The following EPS15 variants were observed in gnomAD, a reference collection of about 807,000 sequenced individuals.
EPS15 encodes the protein epidermal growth factor receptor substrate 15.
Under a neutral mutation model 113.8 loss-of-function variants are expected in EPS15, and 72 were observed. That is an observed-to-expected ratio of 0.63 (90% CI 0.52 to 0.77). EPS15 has a LOEUF of 0.77. Ranked by LOEUF, EPS15 falls within the 30% of genes least tolerant of loss-of-function variation. The probability of loss-of-function intolerance (pLI) is 0.00; values close to 1 mark genes in which losing one functional copy is unlikely to be tolerated. For synonymous variants in EPS15, 344 were observed against 363.4 expected, an observed-to-expected ratio of 0.95 and a Z score of 0.61; for missense variants, 1,048 against 1,045.8, an observed-to-expected ratio of 1.00 and a Z score of -0.03.
At chr1:51,510,902 C>T (rs1041851002) in intron 1 of EPS15, among the ~76,000 whole-genome samples, 12 of 152,270 alleles carry the variant, frequency 7.9e-5, no homozygotes, top group African/African-American at 2.2e-4. Context: ...CGATGGCTCA[C>T]GCCTGTAATC....
Position 51,376,330 on chromosome 1 carries a change from T to C in EPS15, c.2120-10301A>G, listed in dbSNP as rs576077464. 1.1e-4 allele frequency among the ~76,000 whole-genome samples: 16 copies of C among 152,322 alleles called. No individual in the cohort carries two copies. In the South Asian group the frequency reaches 2.1e-3, roughly 20 times the overall value. On this transcript the variant is annotated intron_variant, in intron 21 of 24. Transcript: ENST00000371733. ...TGTTTTACTGAATATTTTAAGCCCA[T>C]TGTTGGGATCCACTGCTCAGATAAG...
chr1:51,356,909 G>A (rs1646230443), intron 24 of EPS15, 63 bp from the exon 25 acceptor site: 5 of 1,457,904 alleles, frequency 3.4e-6, no homozygotes, highest in Admixed American at 2.1e-5. Context: ...TAAAAAGAAG[G>A]AAAAATAGTT....
At chr1:51,455,738 T>C (rs1175898503) in intron 8 of EPS15, among the ~76,000 whole-genome samples, 1 of 152,152 alleles carries the variant, frequency 6.6e-6, no homozygotes, top group East Asian at 1.9e-4. Flanking sequence ...AATTCATCCA[T>C]GAGTAAACAG....
chr1:51,419,972 GAATA>G (rs949801159), intron 13 of EPS15, among the ~76,000 whole-genome samples: 5 of 151,998 alleles, frequency 3.3e-5, no homozygotes, highest in African/African-American at 4.8e-5. Flanking sequence ...AGTGTATAAT[GAATA>G]AATAATGAAT....
intron 11 of EPS15, among the ~76,000 whole-genome samples, chr1:51,441,763 G>C (rs1652614808): frequency 6.6e-6 from 1 of 152,100 alleles, no homozygotes; most frequent in Non-Finnish European, 1.5e-5. Flanking sequence ...TGAAGAAACA[G>C]ATTAAATAAC....
chr1:51,412,917 G>A (rs1649867463), intron 13 of EPS15, among the ~76,000 whole-genome samples: 1 of 152,008 alleles, frequency 6.6e-6, no homozygotes, highest in East Asian at 1.9e-4. Context: ...TGTCCAACTT[G>A]CTTAAAAAAT....
At chr1:51,376,764 T>A (rs891446980) in intron 21 of EPS15, among the ~76,000 whole-genome samples, 1 of 152,244 alleles carries the variant, frequency 6.6e-6, no homozygotes, top group Non-Finnish European at 1.5e-5. Context: ...GAATGTTGTT[T>A]TCATGCCTGC....
chr1:51,511,047 TC>T (rs1373282013), intron 1 of EPS15, among the ~76,000 whole-genome samples: 2 of 151,378 alleles, frequency 1.3e-5, no homozygotes, highest in Non-Finnish European at 2.9e-5. Flanking sequence ...GCGCCTATAA[TC>T]CCAGCTACTT....
At chr1:51,484,207 G>A (rs1030174767) in intron 1 of EPS15, among the ~76,000 whole-genome samples, 1 of 151,990 alleles carries the variant, frequency 6.6e-6, no homozygotes, top group Non-Finnish European at 1.5e-5. Flanking sequence ...TTGATTTACC[G>A]TCATTGTCCC....
At chr1:51,419,783 G>T (rs1422762678) in intron 13 of EPS15, among the ~76,000 whole-genome samples, 2 of 151,978 alleles carry the variant, frequency 1.3e-5, no homozygotes, top group Non-Finnish European at 2.9e-5. Context: ...GTACCAATGG[G>T]TAAATCAGAG....
chr1:51,461,129 C>T lies in EPS15; in HGVS notation c.523G>A (p.Asp175Asn). The change falls in exon 8 of 25, where the codon GAC becomes AAC. Residue 175 changes from aspartate to asparagine, a missense_variant. Coordinates refer to ENST00000371733, the MANE Select transcript of EPS15 (RefSeq NM_001981.3). ...LGRVWELSDI[D>N]HDGMLDRDEF... is the part of the protein sequence containing the mutation. Reference sequence around the variant, plus strand: ...TCTCTGTCAAGCATTCCATCATGGTCAATATCACTCAACTCCCAAACCTTA... The same window carrying T: ...TCTCTGTCAAGCATTCCATCATGGTTAATATCACTCAACTCCCAAACCTTA... 6.2e-7 allele frequency: 1 copy of T among 1,602,856 alleles called. No homozygotes were observed. Among genetic ancestry groups the T allele is most frequent in the Admixed American group, 1.7e-5 (1 of 59,992 alleles).
chr1:51,372,653 G>A, intron 21 of EPS15: 1 of 440,342 alleles, frequency 2.3e-6, no homozygotes, highest in Non-Finnish European at 4.4e-6. Context: ...AGGATCTGGG[G>A]CTGCCCACAG....
intron 1 of EPS15, among the ~76,000 whole-genome samples, chr1:51,509,287 A>T (rs756567887): frequency 6.6e-6 from 1 of 150,626 alleles, no homozygotes; most frequent in Non-Finnish European, 1.5e-5. Flanking sequence ...TCTATGTTGT[A>T]CCTACAGAAC....
intron 8 of EPS15, among the ~76,000 whole-genome samples, chr1:51,457,241 C>T (rs909211144): frequency 2.0e-5 from 3 of 151,848 alleles, no homozygotes; most frequent in African/African-American, 4.8e-5. Context: ...GAGCTGAGAT[C>T]GCGCCACTGC....
At chr1:51,414,258 A>G (rs1260443629) in intron 13 of EPS15, among the ~76,000 whole-genome samples, 1 of 151,988 alleles carries the variant, frequency 6.6e-6, no homozygotes, top group Non-Finnish European at 1.5e-5. Flanking sequence ...TTAAAAATAC[A>G]AAAAATCAGC....
chr1:51,423,283 G>C (rs1281824079), intron 12 of EPS15: 3 of 1,287,522 alleles, frequency 2.3e-6, no homozygotes, highest in Non-Finnish European at 3.0e-6. Context: ...AATCATTGTT[G>C]CAGCCCGATC....
chr1:51,473,599 C>CA (rs145634039), intron 2 of EPS15, among the ~76,000 whole-genome samples: 4,862 of 149,564 alleles, frequency 0.033, 125 homozygotes, highest in Non-Finnish European at 0.05. Context: ...AACAAACAAA[C>CA]AACAACAACA....
chr1:51,402,795 C>T (rs1557433000), intron 17 of EPS15, among the ~76,000 whole-genome samples: 1 of 152,138 alleles, frequency 6.6e-6, no homozygotes, highest in Non-Finnish European at 1.5e-5. Context: ...TGTGCAGCTA[C>T]TCAGGAGGCT....
intron 1 of EPS15, among the ~76,000 whole-genome samples, chr1:51,515,395 C>T (rs1644696361): frequency 6.6e-6 from 1 of 151,960 alleles, no homozygotes; most frequent in African/African-American, 2.4e-5. Context: ...ATCCCTTGAG[C>T]CCACAAGGTT....
Sources: gnomAD v4.1 joint callset for allele counts (sites outside exome capture counted in the v4.1 genomes callset) on GRCh38, gnomAD v4.1.1 for gene constraint, MANE v1.5 for transcripts, NCBI Gene and HGNC (gene_info 2026-07-23, HGNC 2026-07-21) for gene names.